SPATA17: variants seen among roughly 807,000 people sequenced by gnomAD.
SPATA17 encodes the protein spermatogenesis-associated protein 17.
In SPATA17, 53 loss-of-function variants were observed where a neutral mutation model predicts 62.2. That is an observed-to-expected ratio of 0.85 (90% confidence interval 0.68 to 1.07). The LOEUF (loss-of-function observed/expected upper bound fraction) is 1.07. SPATA17 is among the 50% of genes least tolerant of loss of function. The pLI is 0.00. For missense variants in SPATA17, 466 were observed against 425.5 expected (o/e 1.10, Z -0.84); for synonymous variants, 146 against 146.8 (o/e 0.99, Z 0.04).
At chr1:217,657,548 C>T (rs1048268091) in intron 3 of SPATA17, among the ~76,000 whole-genome samples, 1 of 152,322 alleles carries the variant, frequency 6.6e-6, no homozygotes, top group East Asian at 1.9e-4. Flanking sequence ...CACTGTCACA[C>T]ACTTAGTCCT....
chr1:217,659,527 G>C (rs745322019), intron 3 of SPATA17, among the ~76,000 whole-genome samples: 1 of 151,874 alleles, frequency 6.6e-6, no homozygotes, highest in Non-Finnish European at 1.5e-5. Context: ...ATGAGCAATG[G>C]TTCTGTTAAG....
intron 9 of SPATA17, chr1:217,850,779 G>T: frequency 1.8e-6 from 1 of 560,620 alleles, no homozygotes. Context: ...ATGTATATTT[G>T]AATGTGGTAG....
intron 1 of SPATA17, among the ~76,000 whole-genome samples, chr1:217,648,500 A>T (rs899639652): frequency 1.3e-5 from 2 of 152,248 alleles, no homozygotes; most frequent in African/African-American, 4.8e-5. Context: ...GAGCATTTTC[A>T]TCTTGCATGA....
At chr1:217,665,576 G>C (rs529162812) in intron 3 of SPATA17, 1 of 152,228 alleles carries the variant, frequency 6.6e-6, no homozygotes, top group Admixed American at 6.5e-5. Context: ...ATATAAAATA[G>C]AAAACCAACA....
At chr1:217,723,333 GTTTC>G (rs1399900215) in intron 5 of SPATA17, among the ~76,000 whole-genome samples, 5 of 152,038 alleles carry the variant, frequency 3.3e-5, no homozygotes, top group African/African-American at 1.2e-4. Flanking sequence ...GCCATATGAA[GTTTC>G]TTTCCCAAAG....
intron 1 of SPATA17, among the ~76,000 whole-genome samples, chr1:217,647,185 T>C (rs1053086795): frequency 3.9e-5 from 6 of 152,238 alleles, no homozygotes; most frequent in Non-Finnish European, 7.3e-5. Flanking sequence ...TCTATTTCTC[T>C]CAACAGCTCC....
At chr1:217,636,576 C>A (rs1426889156) in intron 1 of SPATA17, among the ~76,000 whole-genome samples, 1 of 151,984 alleles carries the variant, frequency 6.6e-6, no homozygotes, top group Non-Finnish European at 1.5e-5. Flanking sequence ...CCACACCCAG[C>A]TAATTTTTTT....
At chr1:217,703,604 A>G (rs1023594745) in intron 5 of SPATA17, among the ~76,000 whole-genome samples, 1 of 152,094 alleles carries the variant, frequency 6.6e-6, no homozygotes, top group African/African-American at 2.4e-5. Flanking sequence ...TTATTTTATC[A>G]CAATGTATCT....
intron 5 of SPATA17, among the ~76,000 whole-genome samples, chr1:217,719,676 CTT>C (rs1274075669): frequency 6.6e-6 from 1 of 152,080 alleles, no homozygotes; most frequent in African/African-American, 2.4e-5. Flanking sequence ...AGATGAATAA[CTT>C]TTAAAATGAA....
chr1:217,650,592 G>C (rs776831844), intron 2 of SPATA17, among the ~76,000 whole-genome samples: 3 of 151,782 alleles, frequency 2.0e-5, no homozygotes, highest in Non-Finnish European at 4.4e-5. Context: ...GCTAATTTTT[G>C]TATTTTTAGT....
chr1:217,838,643 A>C (rs1305830879), intron 9 of SPATA17, among the ~76,000 whole-genome samples: 1 of 152,122 alleles, frequency 6.6e-6, no homozygotes, highest in Non-Finnish European at 1.5e-5. Flanking sequence ...GCCCAAAGAC[A>C]AAAAGAAATC....
At chr1:217,788,192 A>G (rs1198816387) in intron 8 of SPATA17, among the ~76,000 whole-genome samples, 1 of 152,168 alleles carries the variant, frequency 6.6e-6, no homozygotes, top group Non-Finnish European at 1.5e-5. Context: ...GGGCTTCACT[A>G]AGGTATTATG....
intron 9 of SPATA17, among the ~76,000 whole-genome samples, chr1:217,810,922 C>G (rs776213881): frequency 2.6e-5 from 4 of 152,126 alleles, no homozygotes; most frequent in Non-Finnish European, 5.9e-5. Flanking sequence ...CCTGCCAGAT[C>G]CCTCCCTTGA....
At chr1:217,749,433 C>CT (rs568245071) in intron 6 of SPATA17, among the ~76,000 whole-genome samples, 3 of 151,998 alleles carry the variant, frequency 2.0e-5, no homozygotes, top group African/African-American at 7.2e-5. Flanking sequence ...TCCTTGTGAA[C>CT]TTTTTTTGGG....
intron 5 of SPATA17, among the ~76,000 whole-genome samples, chr1:217,734,462 G>A (rs1395563370): frequency 2.0e-5 from 3 of 152,058 alleles, no homozygotes; most frequent in South Asian, 2.1e-4. Context: ...CTCAGCCTCC[G>A]GAATAGCTGG....
At chr1:217,783,354 T>C (rs1673776976) in intron 8 of SPATA17, among the ~76,000 whole-genome samples, 1 of 151,880 alleles carries the variant, frequency 6.6e-6, no homozygotes, top group African/African-American at 2.4e-5. Context: ...AAAGACAAAA[T>C]TGGCAGGCAT....
At chr1:217,837,804 TTC>T (rs1480287832) in intron 9 of SPATA17, among the ~76,000 whole-genome samples, 1 of 152,180 alleles carries the variant, frequency 6.6e-6, no homozygotes. Context: ...GTACTTTTAT[TTC>T]TCTTTGTCCC....
At chr1:217,756,551 G>C (rs1407941110) in intron 6 of SPATA17, among the ~76,000 whole-genome samples, 1 of 152,112 alleles carries the variant, frequency 6.6e-6, no homozygotes, top group African/African-American at 2.4e-5. Flanking sequence ...TGGATTATGA[G>C]TGAAATTGTA....
At chr1:217,863,119 C>CTTTTTT (rs35673625) in intron 10 of SPATA17, among the ~76,000 whole-genome samples, 27 of 111,826 alleles carry the variant, frequency 2.4e-4, no homozygotes, top group East Asian at 4.9e-4. Context: ...AATACTCTTT[C>CTTTTTT]TTTTTTTTTT....
Sources: gnomAD v4.1 joint callset for allele counts (sites outside exome capture counted in the v4.1 genomes callset) on GRCh38, gnomAD v4.1.1 for gene constraint, MANE v1.5 for transcripts, NCBI Gene and HGNC (gene_info 2026-07-23, HGNC 2026-07-21) for gene names.